Variants in GPHN observed in about 807,000 individuals in gnomAD.
GPHN encodes the protein gephyrin.
Under a neutral mutation model 95.5 loss-of-function variants are expected in GPHN, and 17 were observed. The observed-to-expected ratio is 0.18, with a 90% CI of 0.12 to 0.27. The LOEUF is 0.27. Ranked by LOEUF, GPHN falls within the 10% of genes least tolerant of loss-of-function variation. The probability of loss-of-function intolerance (pLI) is 1.00; values close to 1 mark genes in which losing one functional copy is unlikely to be tolerated. For missense variants in GPHN, 660 were observed against 978.1 expected (o/e 0.67, Z 4.34); for synonymous variants, 320 against 322.5 (o/e 0.99, Z 0.08).
chr14:66,660,221 C>CAATTGCCTGAA (rs2065562280), intron 1 of GPHN, among the ~76,000 whole-genome samples: 1 of 151,978 alleles, frequency 6.6e-6, no homozygotes, highest in African/African-American at 2.4e-5. Flanking sequence ...CTTGTACGTA[C>CAATTGCCTGAA]ATATAGACTC....
chr14:66,901,223 T>C (rs987016907), intron 5 of GPHN, among the ~76,000 whole-genome samples: 6 of 151,984 alleles, frequency 3.9e-5, no homozygotes, highest in African/African-American at 1.4e-4. Context: ...TATTTGTTGT[T>C]TTTGTTGTTG....
the GPHN span, among the ~76,000 whole-genome samples, chr14:67,521,115 T>G: frequency 1.2e-4 from 19 of 152,358 alleles, no homozygotes; most frequent in South Asian, 2.7e-3. Flanking sequence ...CTCTGAAAAG[T>G]ACCAGGACAG....
chr14:67,683,792 A>T, the GPHN span, among the ~76,000 whole-genome samples: 1 of 152,126 alleles, frequency 6.6e-6, no homozygotes, highest in Non-Finnish European at 1.5e-5. Context: ...CTTCCCTTTC[A>T]ACCTAGGGGT....
chr14:67,111,408 A>T (rs2078364360), intron 14 of GPHN, among the ~76,000 whole-genome samples: 1 of 152,190 alleles, frequency 6.6e-6, no homozygotes, highest in Non-Finnish European at 1.5e-5. Flanking sequence ...GCAAACTATA[A>T]GTCCTTTACT....
chr14:66,807,113 G>C (rs2060575776), intron 3 of GPHN, among the ~76,000 whole-genome samples: 1 of 152,234 alleles, frequency 6.6e-6, no homozygotes, highest in African/African-American at 2.4e-5. Flanking sequence ...GGAAGAGCAA[G>C]TCACATCTTA....
the GPHN span, among the ~76,000 whole-genome samples, chr14:67,450,672 A>C: frequency 1.3e-5 from 2 of 152,214 alleles, no homozygotes; most frequent in African/African-American, 4.8e-5. Flanking sequence ...CTAAGTAGCA[A>C]AGCATTTAAG....
At chr14:66,831,928 C>G (rs1301513759) in intron 4 of GPHN, among the ~76,000 whole-genome samples, 1 of 152,112 alleles carries the variant, frequency 6.6e-6, no homozygotes, top group East Asian at 1.9e-4. Flanking sequence ...GGGTGGATCA[C>G]TTGAGGTCAG....
At chr14:67,229,020 GT>G in the GPHN span, among the ~76,000 whole-genome samples, 1 of 152,206 alleles carries the variant, frequency 6.6e-6, no homozygotes, top group Non-Finnish European at 1.5e-5. Flanking sequence ...GCTACAGCAT[GT>G]TTTTTATCCA....
the GPHN span, chr14:67,448,037 ATT>A: frequency 4.0e-5 from 6 of 149,798 alleles, no homozygotes; most frequent in Admixed American, 4.0e-4. Flanking sequence ...ACCCCATCAA[ATT>A]TTGCATGAGA....
the GPHN span, among the ~76,000 whole-genome samples, chr14:67,238,412 GAGC>G: frequency 6.6e-6 from 1 of 151,874 alleles, no homozygotes; most frequent in African/African-American, 2.4e-5. Context: ...AGGACTACAG[GAGC>G]GTGCCACCAC....
the GPHN span, among the ~76,000 whole-genome samples, chr14:67,630,136 T>C: frequency 6.6e-6 from 1 of 152,188 alleles, no homozygotes; most frequent in African/African-American, 2.4e-5. Flanking sequence ...TCAGTTGTAT[T>C]GACAAAGAAC....
intron 2 of GPHN, among the ~76,000 whole-genome samples, chr14:66,685,757 T>C (rs1308335595): frequency 1.3e-5 from 2 of 152,230 alleles, no homozygotes; most frequent in East Asian, 1.9e-4. Flanking sequence ...TTTAATTAGA[T>C]CCCATTTGTC....
At position 66,894,980 on chromosome 14, in the gene GPHN, C is replaced by G. The variant is rs573835588; in HGVS notation, c.389+14947C>G. ...CCTCAAGGATCTAGAACTAGAAATA[C>G]CATTTGACCCAGCCATCCCATTACT... On this transcript the variant is annotated intron_variant, in intron 5 of 22. Coordinates refer to ENST00000478722, the MANE Select transcript of GPHN (RefSeq NM_020806.5). Among the ~76,000 whole-genome samples the G allele has an allele frequency of 3.9e-5, 6 of 152,268 alleles. No individual in the cohort carries two copies. The South Asian group carries it at 1.2e-3, about 32-fold the overall frequency.
chr14:67,253,557 T>C, the GPHN span, among the ~76,000 whole-genome samples: 1 of 152,278 alleles, frequency 6.6e-6, no homozygotes, highest in East Asian at 1.9e-4. Context: ...AAAAATGACG[T>C]AGTTAGGCCA....
At chr14:66,699,150 C>T (rs1293790308) in intron 2 of GPHN, among the ~76,000 whole-genome samples, 1 of 152,130 alleles carries the variant, frequency 6.6e-6, no homozygotes, top group Non-Finnish European at 1.5e-5. Context: ...CTTGACCTTT[C>T]AGAATCTTAG....
the GPHN span, among the ~76,000 whole-genome samples, chr14:67,445,577 C>CTTTTTTTTTTTTTTTTGT: frequency 1.7e-5 from 1 of 59,924 alleles, no homozygotes; most frequent in Non-Finnish European, 3.0e-5. Context: ...AGAGGCAATT[C>CTTTTTTTTTTTTTTTTGT]TTTTTTTTTT....
At chr14:67,721,438 G>GT in the GPHN span, among the ~76,000 whole-genome samples, 2 of 152,054 alleles carry the variant, frequency 1.3e-5, no homozygotes. Flanking sequence ...TAGAGACAGG[G>GT]TCTCACTAAG....
rs146764042 is a variant in GPHN at position 66,900,444 on chromosome 14, AT to A, written c.390-15552del. Among the ~76,000 whole-genome samples the A allele has an allele frequency of 8.0e-3, 1,176 of 146,394 alleles. 5 individuals are homozygous for A. The highest frequency in any genetic ancestry group is 0.026 in the African/African-American group (1,032 of 39,684). On this transcript the variant is annotated intron_variant, in intron 5 of 22. Transcript: ENST00000478722. ...TTAATGTATCTTTTTATTTTTTGAG[AT>A]TTTTTTCTTTTTTTTTTAATCTATC... is the stretch of plus-strand genomic sequence containing the variant.
intron 2 of GPHN, among the ~76,000 whole-genome samples, chr14:66,741,730 G>T (rs896613734): frequency 1.3e-5 from 2 of 152,048 alleles, no homozygotes; most frequent in East Asian, 3.8e-4. Context: ...TTCCTCTCAA[G>T]TCCTTTGTAG....
Sources: allele counts gnomAD v4.1 joint callset (sites outside exome capture counted in the v4.1 genomes callset), GRCh38; gene constraint gnomAD v4.1.1; transcripts MANE v1.5; gene names NCBI Gene and HGNC (gene_info 2026-07-23, HGNC 2026-07-21).